Variants in GALNT13 observed in about 807,000 individuals in gnomAD.
GALNT13 encodes the protein UDP-GalNAc:polypeptide N-acetylgalactosaminyltransferase 13.
A neutral mutation model predicts 64.2 loss-of-function variants in GALNT13; 28 were observed. The ratio of observed to expected loss-of-function variants is 0.44; its 90% CI spans 0.32 to 0.60. GALNT13 has a LOEUF of 0.60. Among genes scored for constraint, GALNT13 ranks in the 20% least tolerant of loss-of-function variants. The pLI, the probability that GALNT13 is intolerant of heterozygous loss-of-function variation, is 0.05. For missense variants in GALNT13, 577 were observed against 669.8 expected, an observed-to-expected ratio of 0.86 and a Z score of 1.53; for synonymous variants, 214 against 224.6, an observed-to-expected ratio of 0.95 and a Z score of 0.42.
the GALNT13 span, among the ~76,000 whole-genome samples, chr2:153,546,479 G>A: frequency 3.3e-3 from 507 of 152,206 alleles, no homozygotes; most frequent in African/African-American, 0.011. Flanking sequence ...GACATTGGAG[G>A]CAAGTTTGTA....
chr2:154,073,460 GTA>G (rs990737234), intron 3 of GALNT13, among the ~76,000 whole-genome samples: 3 of 151,898 alleles, frequency 2.0e-5, no homozygotes, highest in African/African-American at 7.2e-5. Flanking sequence ...TAGAAAACTT[GTA>G]TCCATGTTCA....
intron 2 of GALNT13, among the ~76,000 whole-genome samples, chr2:153,916,836 A>G (rs1689383081): frequency 6.6e-6 from 1 of 152,178 alleles, no homozygotes; most frequent in Non-Finnish European, 1.5e-5. Flanking sequence ...TACCTTTTAG[A>G]TGGGATTGAG....
chr2:153,256,416 T>A, the GALNT13 span, among the ~76,000 whole-genome samples: 1 of 152,076 alleles, frequency 6.6e-6, no homozygotes, highest in East Asian at 1.9e-4. Context: ...GTTTGAATGT[T>A]CTCCCGTAGC....
At chr2:153,294,964 A>G in the GALNT13 span, among the ~76,000 whole-genome samples, 3 of 152,202 alleles carry the variant, frequency 2.0e-5, no homozygotes, top group Admixed American at 6.5e-5. Flanking sequence ...TGTGAAGAGA[A>G]AAGTGATCTC....
At chr2:154,077,505 G>A (rs1701049801) in intron 3 of GALNT13, among the ~76,000 whole-genome samples, 1 of 151,352 alleles carries the variant, frequency 6.6e-6, no homozygotes, top group South Asian at 2.1e-4. Flanking sequence ...GAGTAAAGGG[G>A]TGGAAAATAA....
the GALNT13 span, among the ~76,000 whole-genome samples, chr2:153,116,794 CTTT>C: frequency 2.9e-3 from 236 of 82,456 alleles, 1 homozygote; most frequent in African/African-American, 9.8e-3. Flanking sequence ...GTGTTGTCTT[CTTT>C]TTTTTTTTTT....
chr2:153,251,389 C>A, the GALNT13 span, among the ~76,000 whole-genome samples: 1 of 152,078 alleles, frequency 6.6e-6, no homozygotes, highest in Non-Finnish European at 1.5e-5. Context: ...AGACAATTGT[C>A]GTCTTGTTTT....
At chr2:153,109,114 C>A in the GALNT13 span, among the ~76,000 whole-genome samples, 3 of 152,124 alleles carry the variant, frequency 2.0e-5, no homozygotes, top group African/African-American at 7.2e-5. Flanking sequence ...CTTAATACAT[C>A]TCTTGTTCTG....
At position 154,002,322 on chromosome 2, in the gene GALNT13, A is replaced by G. The variant is rs148765492; in HGVS notation, c.142+57683A>G. Reference sequence around the variant, plus strand: ...AGGTTTATTCCCTTTATGGTGTTTCATAATGCTTGTAGGCCTTTTTCACTC... The same window carrying G: ...AGGTTTATTCCCTTTATGGTGTTTCGTAATGCTTGTAGGCCTTTTTCACTC... On this transcript the variant is annotated intron_variant, in intron 3 of 12. Coordinates refer to ENST00000392825, the MANE Select transcript of GALNT13 (RefSeq NM_052917.4). 3.9e-3 allele frequency among the ~76,000 whole-genome samples: 592 copies of G among 151,778 alleles called. 2 individuals are homozygous for G. Among genetic ancestry groups the G allele is most frequent in the African/African-American group, 0.014 (567 of 41,436 alleles).
chr2:153,952,138 C>T (rs749552120), intron 3 of GALNT13, among the ~76,000 whole-genome samples: 11 of 152,154 alleles, frequency 7.2e-5, no homozygotes, highest in African/African-American at 2.4e-4. Context: ...CTAAGTGCTG[C>T]TACTCCTAAT....
the GALNT13 span, among the ~76,000 whole-genome samples, chr2:153,558,521 T>C: frequency 2.6e-5 from 4 of 151,978 alleles, no homozygotes; most frequent in Admixed American, 2.6e-4. Context: ...ATAACAGTGG[T>C]TTGTACTTTA....
At chr2:154,229,144 A>G (rs999748998) in intron 4 of GALNT13, among the ~76,000 whole-genome samples, 7 of 152,004 alleles carry the variant, frequency 4.6e-5, no homozygotes, top group African/African-American at 1.7e-4. Context: ...AGAAAAAAAA[A>G]TGCTTCTCTG....
chr2:153,763,457 T>C, the GALNT13 span, among the ~76,000 whole-genome samples: 1 of 152,166 alleles, frequency 6.6e-6, no homozygotes, highest in Non-Finnish European at 1.5e-5. Flanking sequence ...GTTGTCACGA[T>C]AGTGAATAAG....
chr2:153,651,985 A>G, the GALNT13 span, among the ~76,000 whole-genome samples: 2 of 152,188 alleles, frequency 1.3e-5, no homozygotes, highest in Admixed American at 1.3e-4. Flanking sequence ...CTTCCCGGGT[A>G]CTATCTAGCT....
intron 1 of GALNT13, among the ~76,000 whole-genome samples, chr2:153,898,176 G>A (rs1233479626): frequency 6.6e-6 from 1 of 152,038 alleles, no homozygotes; most frequent in Non-Finnish European, 1.5e-5. Context: ...CTAATTTTCT[G>A]TTTACATACA....
At chr2:153,844,564 A>T in the GALNT13 span, among the ~76,000 whole-genome samples, 1 of 152,234 alleles carries the variant, frequency 6.6e-6, no homozygotes. Context: ...CTTGGATAAG[A>T]GGACTTGGTT....
intron 5 of GALNT13, among the ~76,000 whole-genome samples, 193 bp from the exon 6 acceptor site, chr2:154,242,505 A>G (rs1689548446): frequency 1.3e-5 from 2 of 152,272 alleles, no homozygotes; most frequent in Admixed American, 1.3e-4. Context: ...ATTATTGAGC[A>G]TTCTCATATG....
the GALNT13 span, among the ~76,000 whole-genome samples, chr2:153,798,370 G>T: frequency 6.6e-6 from 1 of 152,082 alleles, no homozygotes; most frequent in African/African-American, 2.4e-5. Flanking sequence ...GCAATTAGAG[G>T]TAAAAGGAAA....
chr2:153,878,966 A>G (rs1686582934), intron 1 of GALNT13, among the ~76,000 whole-genome samples: 1 of 152,138 alleles, frequency 6.6e-6, no homozygotes, highest in South Asian at 2.1e-4. Context: ...CCTTGAGTTT[A>G]TTTATTCATT....
Sources: allele counts gnomAD v4.1 joint callset (sites outside exome capture counted in the v4.1 genomes callset), GRCh38; gene constraint gnomAD v4.1.1; transcripts MANE v1.5; gene names NCBI Gene and HGNC (gene_info 2026-07-23, HGNC 2026-07-21).